The following CLMP variants were observed in gnomAD, a reference collection of about 807,000 sequenced individuals.
CLMP encodes CXADR-like membrane protein.
Under a neutral mutation model 45.2 loss-of-function variants are expected in CLMP, and 27 were observed. That is an observed-to-expected ratio of 0.60 (90% CI 0.44 to 0.82). The LOEUF is 0.82. CLMP is among the 40% of genes least tolerant of loss of function. CLMP has a pLI of 0.00. For synonymous variants in CLMP, 167 were observed against 171.4 expected, an observed-to-expected ratio of 0.97 and a Z score of 0.20; for missense variants, 403 against 448.4, an observed-to-expected ratio of 0.90 and a Z score of 0.91.
At chr11:123,158,458 C>T (rs1861443483) in intron 1 of CLMP, among the ~76,000 whole-genome samples, 1 of 152,202 alleles carries the variant, frequency 6.6e-6, no homozygotes, top group African/African-American at 2.4e-5. Context: ...GTCTTGGGGA[C>T]TCCAGGGACT....
At position 123,157,380 on chromosome 11, in the gene CLMP, C is replaced by A. The variant is rs547339539; in HGVS notation, c.28+37533G>T. On this transcript the variant is annotated intron_variant, in intron 1 of 6. Coordinates refer to ENST00000448775, the MANE Select transcript of CLMP (RefSeq NM_024769.5). ...AATCTGCCTGGCCAATGTGGAGAAA[C>A]CCCATCTCTACTAAAAATACAAAAT... Among the ~76,000 whole-genome samples, 11 of 152,090 alleles carry A rather than the reference C, an allele frequency of 7.2e-5. No homozygotes were observed. In the South Asian group the frequency reaches 1.2e-3, roughly 17 times the overall value.
chr11:123,073,710 T>C lies in CLMP; in HGVS notation c.886A>G (p.Ser296Gly). ...GTGGAGGAAGAACCAGAGCGTGAGC[T>C]CCGAGAGCCTGAGGAAGAGGAGCTG... is the stretch of plus-strand genomic sequence containing the variant. ...KPSSSSSGSR[S>G]SRSGSSSTRS... is the part of the protein sequence containing the mutation. The change falls in exon 7 of 7, where the codon AGC becomes GGC. Residue 296 changes from serine to glycine, a missense_variant. Ser to Gly is a moderately conservative substitution (Grantham distance 56). Transcript: ENST00000448775. The C allele has an allele frequency of 6.2e-7, 1 of 1,613,902 alleles. No individual in the cohort carries two copies. The highest frequency in any genetic ancestry group is 8.5e-7 in the Non-Finnish European group (1 of 1,179,884).
chr11:123,106,877 C>T (rs370226579), intron 1 of CLMP, among the ~76,000 whole-genome samples: 57 of 151,752 alleles, frequency 3.8e-4, no homozygotes, highest in East Asian at 1.2e-3. Context: ...AAAATTAGCC[C>T]GGCGAGGTGG....
chr11:123,139,715 C>G, intron 1 of CLMP, among the ~76,000 whole-genome samples: 1 of 152,066 alleles, frequency 6.6e-6, no homozygotes, highest in Non-Finnish European at 1.5e-5. Context: ...ACTTGGGAGG[C>G]TGAGGCGGAA....
intron 1 of CLMP, among the ~76,000 whole-genome samples, chr11:123,124,738 G>A (rs1215675989): frequency 2.0e-5 from 3 of 152,168 alleles, no homozygotes; most frequent in Non-Finnish European, 2.9e-5. Flanking sequence ...TCAGAAATGC[G>A]TACATATCCC....
intron 1 of CLMP, among the ~76,000 whole-genome samples, chr11:123,135,259 CAA>C (rs529613516): frequency 2.2e-5 from 2 of 89,058 alleles, no homozygotes; most frequent in Middle Eastern, 6.5e-3. Context: ...GACTCCGTCT[CAA>C]AAAAAAAAAA....
intron 1 of CLMP, among the ~76,000 whole-genome samples, chr11:123,164,578 A>G (rs953433100): frequency 6.6e-6 from 1 of 152,112 alleles, no homozygotes; most frequent in African/African-American, 2.4e-5. Flanking sequence ...TGCTGGAGTT[A>G]AAGATGTGAG....
chr11:123,103,569 C>A (rs367795052), intron 1 of CLMP, among the ~76,000 whole-genome samples: 2 of 152,094 alleles, frequency 1.3e-5, no homozygotes, highest in African/African-American at 4.8e-5. Flanking sequence ...CAAATGGCTT[C>A]ATCAAGGCAG....
At chr11:123,151,447 A>G (rs923617778) in intron 1 of CLMP, among the ~76,000 whole-genome samples, 7 of 152,184 alleles carry the variant, frequency 4.6e-5, no homozygotes, top group Non-Finnish European at 1.0e-4. Flanking sequence ...ATGTTCACTC[A>G]TTCACCTGCC....
intron 1 of CLMP, among the ~76,000 whole-genome samples, chr11:123,123,259 C>T (rs1041450794): frequency 5.0e-4 from 59 of 117,656 alleles, no homozygotes; most frequent in Middle Eastern, 5.3e-3. Context: ...TCTTTCTTTC[C>T]TTTTTTTTTT....
At chr11:123,167,269 G>A (rs570289710) in intron 1 of CLMP, among the ~76,000 whole-genome samples, 1 of 152,292 alleles carries the variant, frequency 6.6e-6, no homozygotes, top group African/African-American at 2.4e-5. Context: ...CAGTTAGAAA[G>A]ACAGATGTCT....
At chr11:123,127,217 A>T (rs1215272393) in intron 1 of CLMP, among the ~76,000 whole-genome samples, 1 of 151,698 alleles carries the variant, frequency 6.6e-6, no homozygotes, top group African/African-American at 2.4e-5. Flanking sequence ...CGCCTCCTGG[A>T]TTCAAGTGAT....
chr11:123,148,173 C>T (rs1476026863), intron 1 of CLMP, among the ~76,000 whole-genome samples: 3 of 152,126 alleles, frequency 2.0e-5, no homozygotes, highest in African/African-American at 4.8e-5. Context: ...TAGTACGTGG[C>T]GTGTTTTAAG....
At chr11:123,150,996 C>A (rs1490542235) in intron 1 of CLMP, among the ~76,000 whole-genome samples, 1 of 152,210 alleles carries the variant, frequency 6.6e-6, no homozygotes, top group Non-Finnish European at 1.5e-5. Context: ...AGCCACTGTG[C>A]CTGGCCTGGG....
intron 1 of CLMP, among the ~76,000 whole-genome samples, chr11:123,101,886 A>G (rs1003675402): frequency 1.2e-4 from 19 of 152,224 alleles, no homozygotes; most frequent in African/African-American, 4.6e-4. Context: ...CAAGGTTATA[A>G]GATATGCAAC....
chr11:123,108,336 G>A (rs1271876977), intron 1 of CLMP, among the ~76,000 whole-genome samples: 1 of 152,166 alleles, frequency 6.6e-6, no homozygotes, highest in Non-Finnish European at 1.5e-5. Context: ...AAAGCCTAAA[G>A]CCAAAGGAAT....
intron 5 of CLMP, among the ~76,000 whole-genome samples, chr11:123,077,520 G>A (rs1385785623): frequency 6.6e-6 from 1 of 152,056 alleles, no homozygotes; most frequent in Non-Finnish European, 1.5e-5. Flanking sequence ...TAGTAGAGAT[G>A]GGATTTCTCA....
chr11:123,106,365 T>C (rs1229493102), intron 1 of CLMP, among the ~76,000 whole-genome samples: 1 of 151,490 alleles, frequency 6.6e-6, no homozygotes. Context: ...CCCAGCTACA[T>C]ATATAATTCT....
At chr11:123,168,287 C>T (rs915293984) in intron 1 of CLMP, among the ~76,000 whole-genome samples, 2 of 151,582 alleles carry the variant, frequency 1.3e-5, no homozygotes, top group Non-Finnish European at 2.9e-5. Context: ...AGGGCTGCAG[C>T]GTTACACCCC....
Sources: allele counts gnomAD v4.1 joint callset (sites outside exome capture counted in the v4.1 genomes callset), GRCh38; gene constraint gnomAD v4.1.1; transcripts MANE v1.5; gene names NCBI Gene and HGNC (gene_info 2026-07-23, HGNC 2026-07-21).